Variants in ADAM23 observed in about 807,000 individuals in gnomAD.
The protein encoded by ADAM23 is ADAM metallopeptidase domain 23, also known as disintegrin and metalloproteinase domain-containing protein 23.
ADAM23 carries 33 observed loss-of-function variants against 120.1 expected under a neutral mutation model. The ratio of observed to expected loss-of-function variants is 0.27; its 90% CI spans 0.21 to 0.37. The LOEUF is 0.37. Among genes scored for constraint, ADAM23 ranks in the 10% least tolerant of loss-of-function variants. The probability of loss-of-function intolerance (pLI) is 1.00; values close to 1 mark genes in which losing one functional copy is unlikely to be tolerated. For synonymous variants in ADAM23, 367 were observed against 375.2 expected, an observed-to-expected ratio of 0.98 and a Z score of 0.25; for missense variants, 862 against 1,058.2, an observed-to-expected ratio of 0.81 and a Z score of 2.57.
chr2:206,463,853 A>T (rs1239939100), intron 2 of ADAM23, among the ~76,000 whole-genome samples: 6 of 152,194 alleles, frequency 3.9e-5, no homozygotes, highest in Non-Finnish European at 7.3e-5. Flanking sequence ...CAGCTTAGTA[A>T]TTTCTTTCAG....
At chr2:206,464,100 C>A (rs1695488482) in intron 2 of ADAM23, among the ~76,000 whole-genome samples, 1 of 152,014 alleles carries the variant, frequency 6.6e-6, no homozygotes, top group African/African-American at 2.4e-5. Flanking sequence ...AGATTTAAAC[C>A]TGTAGTTTAA....
At chr2:206,463,018 A>C (rs1178630318) in intron 2 of ADAM23, among the ~76,000 whole-genome samples, 6 of 152,170 alleles carry the variant, frequency 3.9e-5, no homozygotes, top group Non-Finnish European at 8.8e-5. Flanking sequence ...TGTGGACTGC[A>C]CTGGGTGATG....
At chr2:206,461,132 G>A (rs1398110628) in intron 2 of ADAM23, among the ~76,000 whole-genome samples, 2 of 146,168 alleles carry the variant, frequency 1.4e-5, no homozygotes, top group Admixed American at 1.4e-4. Flanking sequence ...GAGTGATCTT[G>A]GCTCACTGCA....
In ADAM23 at chr2:206,472,065, C is replaced by G. The variant is rs544274174; in HGVS notation, c.433-9167C>G. 1.2e-4 allele frequency among the ~76,000 whole-genome samples: 18 copies of G among 152,252 alleles called. No homozygotes were observed. In the South Asian group the frequency reaches 3.5e-3, roughly 30 times the overall value. ...TATAGAAGACGTTTCATATACATGT[C>G]CAAGGATGCTTTGTCAGTGAAAGTG... On this transcript the variant is annotated intron_variant, in intron 2 of 25. Transcript: ENST00000264377.
intron 4 of ADAM23, among the ~76,000 whole-genome samples, chr2:206,533,090 A>G (rs1697101331): frequency 6.6e-6 from 1 of 152,212 alleles, no homozygotes; most frequent in Non-Finnish European, 1.5e-5. Flanking sequence ...GCTGCTTCAG[A>G]AAATCTTTGT....
At chr2:206,472,261 T>C (rs1695674813) in intron 2 of ADAM23, among the ~76,000 whole-genome samples, 1 of 152,132 alleles carries the variant, frequency 6.6e-6, no homozygotes, top group African/African-American at 2.4e-5. Flanking sequence ...GAATATGTAT[T>C]TGGATTATCA....
chr2:206,595,129 C>T lies in ADAM23; in HGVS notation c.2247+224C>T, dbSNP rs994877781. 2.0e-5 allele frequency among the ~76,000 whole-genome samples: 3 copies of T among 152,158 alleles called. 1 individual carries two copies. Among genetic ancestry groups the T allele is most frequent in the East Asian group, 1.9e-4 (1 of 5,158 alleles). On this transcript the variant is annotated intron_variant, in intron 23 of 25. Coordinates refer to ENST00000264377, the MANE Select transcript of ADAM23 (RefSeq NM_003812.4). The stretch of plus-strand genomic sequence containing the variant: ...CCAGGAGGCAGAGGTTGCAGTGAGC[C>T]GAGATTGAGCCACTGCACTCCAGCC...
chr2:206,577,161 G>A (rs968778919), intron 18 of ADAM23, among the ~76,000 whole-genome samples: 6 of 152,082 alleles, frequency 3.9e-5, no homozygotes, highest in African/African-American at 1.4e-4. Flanking sequence ...ACATTCCCAT[G>A]ATAAGCAACT....
At chr2:206,601,070 T>A (rs2105857248) in intron 24 of ADAM23, among the ~76,000 whole-genome samples, 1 of 152,360 alleles carries the variant, frequency 6.6e-6, no homozygotes, top group Non-Finnish European at 1.5e-5. Context: ...CCTAGAATTC[T>A]CTCCTGTTAC....
Position 206,583,684 on chromosome 2 carries a change from A to C in ADAM23, c.1738-3641A>C, listed in dbSNP as rs114026639. Among the ~76,000 whole-genome samples, 913 of 152,114 alleles carry C rather than the reference A, an allele frequency of 6.0e-3. 9 individuals carry two copies. Among genetic ancestry groups the C allele is most frequent in the African/African-American group, 0.021 (878 of 41,506 alleles). On this transcript the variant is annotated intron_variant, in intron 18 of 25. Transcript: ENST00000264377. ...ACTTTCCAGAGCATTTCACATTCTAAAAATGTGTCCAAAGTTTCCTGAATT... is the reference window on the plus strand; with the variant it reads ...ACTTTCCAGAGCATTTCACATTCTACAAATGTGTCCAAAGTTTCCTGAATT...
At chr2:206,526,759 T>G (rs1398041430) in intron 3 of ADAM23, among the ~76,000 whole-genome samples, 4 of 152,250 alleles carry the variant, frequency 2.6e-5, no homozygotes, top group Non-Finnish European at 5.9e-5. Context: ...CAGCATTATT[T>G]CTGCCACAGT....
intron 15 of ADAM23, among the ~76,000 whole-genome samples, chr2:206,568,285 G>A (rs1052304030): frequency 4.6e-5 from 7 of 152,096 alleles, no homozygotes; most frequent in South Asian, 4.1e-4. Flanking sequence ...TTGGCATCTC[G>A]TCAAACTTTG....
At chr2:206,588,736 G>C (rs553434732) in intron 20 of ADAM23, among the ~76,000 whole-genome samples, 14 of 152,232 alleles carry the variant, frequency 9.2e-5, no homozygotes, top group African/African-American at 2.9e-4. Context: ...AGGGCCAGAC[G>C]GGGGGAAGAA....
intron 3 of ADAM23, among the ~76,000 whole-genome samples, chr2:206,509,902 C>T (rs1292458968): frequency 6.6e-6 from 1 of 152,228 alleles, no homozygotes; most frequent in Non-Finnish European, 1.5e-5. Context: ...GTGATTCCTT[C>T]TCTCCTCCTG....
chr2:206,449,578 G>A (rs1379214723), intron 2 of ADAM23, among the ~76,000 whole-genome samples: 1 of 152,178 alleles, frequency 6.6e-6, no homozygotes, highest in Non-Finnish European at 1.5e-5. Flanking sequence ...GACCAGCCTG[G>A]TCAATATGGT....
intron 13 of ADAM23, among the ~76,000 whole-genome samples, chr2:206,562,874 A>G (rs758025073): frequency 2.0e-5 from 3 of 152,240 alleles, no homozygotes; most frequent in Non-Finnish European, 2.9e-5. Context: ...ATAGGGCCAC[A>G]CATCCCATCA....
intron 7 of ADAM23, 136 bp downstream of exon 7, chr2:206,547,637 A>C: frequency 1.5e-6 from 1 of 647,908 alleles, no homozygotes; most frequent in Non-Finnish European, 2.5e-6. Context: ...TCAGCACTGG[A>C]ATGAGTGGTG....
chr2:206,541,815 T>C (rs552127183), intron 4 of ADAM23, among the ~76,000 whole-genome samples: 1 of 152,282 alleles, frequency 6.6e-6, no homozygotes, highest in Non-Finnish European at 1.5e-5. Flanking sequence ...ATTACCTTGG[T>C]GTCATTGTTT....
chr2:206,553,449 G>A (rs538123206), intron 9 of ADAM23, among the ~76,000 whole-genome samples: 306 of 152,022 alleles, frequency 2.0e-3, no homozygotes, highest in Middle Eastern at 3.4e-3. Flanking sequence ...AAAGAGGAAA[G>A]CTTTTATTTT....
Sources: gnomAD v4.1 joint callset for allele counts (sites outside exome capture counted in the v4.1 genomes callset) on GRCh38, gnomAD v4.1.1 for gene constraint, MANE v1.5 for transcripts, NCBI Gene and HGNC (gene_info 2026-07-23, HGNC 2026-07-21) for gene names.